The following KCNJ6 variants were observed in gnomAD, a reference collection of about 807,000 sequenced individuals.
KCNJ6 encodes the protein potassium inwardly rectifying channel subfamily J member 6.
A neutral mutation model predicts 34.2 loss-of-function variants in KCNJ6; 9 were observed. That is an observed-to-expected ratio of 0.26 (90% CI 0.16 to 0.46). The LOEUF (loss-of-function observed/expected upper bound fraction) is 0.46, where lower values mean the gene tolerates loss of function less well. Ranked by LOEUF, KCNJ6 falls within the 20% of genes least tolerant of loss-of-function variation. The probability of loss-of-function intolerance (pLI) is 1.00; values close to 1 mark genes in which losing one functional copy is unlikely to be tolerated. For synonymous variants in KCNJ6, 196 were observed against 207.1 expected (o/e 0.95, Z 0.46); for missense variants, 236 against 531.3 (o/e 0.44, Z 5.46).
intron 3 of KCNJ6, among the ~76,000 whole-genome samples, chr21:37,663,691 G>C (rs948335819): frequency 2.0e-5 from 3 of 152,090 alleles, no homozygotes; most frequent in Non-Finnish European, 4.4e-5. Flanking sequence ...ACCAGGAGAA[G>C]AATACTGATT....
chr21:37,734,188 G>A (rs1231086391), intron 2 of KCNJ6, among the ~76,000 whole-genome samples: 1 of 152,158 alleles, frequency 6.6e-6, no homozygotes, highest in Non-Finnish European at 1.5e-5. Flanking sequence ...CAGGTTCTAG[G>A]AATATCATTT....
At chr21:37,682,517 C>T (rs1476328571) in intron 3 of KCNJ6, among the ~76,000 whole-genome samples, 1 of 144,868 alleles carries the variant, frequency 6.9e-6, no homozygotes, top group Non-Finnish European at 1.5e-5. Context: ...CTGCATCACT[C>T]CAGTCTCTGC....
intron 2 of KCNJ6, among the ~76,000 whole-genome samples, chr21:37,800,786 G>A (rs531933962): frequency 6.6e-6 from 1 of 152,284 alleles, no homozygotes; most frequent in African/African-American, 2.4e-5. Context: ...TGTCAGTGAT[G>A]TACCCCCCGC....
At chr21:37,848,947 T>G (rs3787857) in intron 1 of KCNJ6, among the ~76,000 whole-genome samples, 40,247 of 151,952 alleles carry the variant, frequency 0.26, 6,553 homozygotes, top group South Asian at 0.4. Flanking sequence ...CCCAGGGGAG[T>G]TGGTTTCTTG....
At chr21:37,868,319 G>C (rs2055633403) in intron 1 of KCNJ6, among the ~76,000 whole-genome samples, 1 of 152,168 alleles carries the variant, frequency 6.6e-6, no homozygotes, top group Non-Finnish European at 1.5e-5. Flanking sequence ...GTACTGTCTG[G>C]AATATAATTT....
chr21:37,866,497 A>G (rs1327979677), intron 1 of KCNJ6, among the ~76,000 whole-genome samples: 1 of 152,166 alleles, frequency 6.6e-6, no homozygotes, highest in Non-Finnish European at 1.5e-5. Flanking sequence ...CCGACCTTTC[A>G]CATACTTTTG....
At chr21:37,913,630 C>A (rs2055877684) in intron 1 of KCNJ6, among the ~76,000 whole-genome samples, 1 of 152,130 alleles carries the variant, frequency 6.6e-6, no homozygotes, top group Admixed American at 6.5e-5. Context: ...CCAGCCTGAC[C>A]AACATGGTGA....
At chr21:37,698,990 C>T (rs1289672200) in intron 3 of KCNJ6, among the ~76,000 whole-genome samples, 2 of 152,064 alleles carry the variant, frequency 1.3e-5, no homozygotes, top group African/African-American at 4.8e-5. Context: ...TAAGCCACGG[C>T]ACCTGGCTAA....
At chr21:37,690,781 CTTTTT>C (rs796532358) in intron 3 of KCNJ6, among the ~76,000 whole-genome samples, 1 of 136,570 alleles carries the variant, frequency 7.3e-6, no homozygotes, top group African/African-American at 2.8e-5. Context: ...TTTTTCTTTT[CTTTTT>C]TTTTTTTTTT....
At chr21:37,848,245 G>A (rs2055519858) in intron 1 of KCNJ6, among the ~76,000 whole-genome samples, 1 of 152,234 alleles carries the variant, frequency 6.6e-6, no homozygotes, top group African/African-American at 2.4e-5. Flanking sequence ...GTGCTCTCCT[G>A]TGAGCCCGGG....
At chr21:37,667,973 CAGGG>C (rs2054524587) in intron 3 of KCNJ6, among the ~76,000 whole-genome samples, 1 of 152,130 alleles carries the variant, frequency 6.6e-6, no homozygotes. Context: ...CTTAAAAGCG[CAGGG>C]GCCTGGGCTT....
intron 2 of KCNJ6, among the ~76,000 whole-genome samples, chr21:37,798,469 C>T (rs2055253746): frequency 7.7e-6 from 1 of 129,680 alleles, no homozygotes; most frequent in East Asian, 2.1e-4. Context: ...TATGCTCACA[C>T]AAAAACGTCC....
Position 37,621,309 on chromosome 21 carries a change from T to C in KCNJ6, c.*3850A>G, listed in dbSNP as rs1342233078. 6.6e-6 allele frequency: 1 copy of C among 152,224 alleles called. No homozygotes were observed. The highest frequency in any genetic ancestry group is 1.5e-5 in the Non-Finnish European group (1 of 68,036). The allele number at this position is 152,224 out of a possible 1,614,324, so 9.4% of individuals were successfully genotyped here. On this transcript the variant is annotated 3_prime_UTR_variant, in exon 4 of 4. Coordinates refer to ENST00000609713, the MANE Select transcript of KCNJ6 (RefSeq NM_002240.5). ...GTATTCTCTCAGCAAATCAAATGATTTCCCATTCTTCTGGTGAGTTCAGGT... is the reference window on the plus strand; with the variant it reads ...GTATTCTCTCAGCAAATCAAATGATCTCCCATTCTTCTGGTGAGTTCAGGT...
chr21:37,868,625 G>A (rs559930069), intron 1 of KCNJ6, among the ~76,000 whole-genome samples: 1 of 152,322 alleles, frequency 6.6e-6, no homozygotes, highest in African/African-American at 2.4e-5. Flanking sequence ...GTCCATGCAT[G>A]TTTACACAAA....
At chr21:37,786,056 A>G (rs967839857) in intron 2 of KCNJ6, among the ~76,000 whole-genome samples, 1 of 152,248 alleles carries the variant, frequency 6.6e-6, no homozygotes, top group African/African-American at 2.4e-5. Context: ...TTGTTATGGC[A>G]GCCTGATTGG....
At chr21:37,690,163 CA>C (rs1389764839) in intron 3 of KCNJ6, among the ~76,000 whole-genome samples, 1 of 151,874 alleles carries the variant, frequency 6.6e-6, no homozygotes, top group Non-Finnish European at 1.5e-5. Context: ...GATAAATTAC[CA>C]GTGACTATGC....
intron 2 of KCNJ6, among the ~76,000 whole-genome samples, chr21:37,722,789 T>C (rs2054833446): frequency 6.6e-6 from 1 of 152,162 alleles, no homozygotes; most frequent in South Asian, 2.1e-4. Context: ...ATTAACTCAA[T>C]ATAGATTAAA....
At position 37,843,089 on chromosome 21, in the gene KCNJ6, G is replaced by A. The variant is rs781546611; in HGVS notation, c.-27-2380C>T. 7.2e-5 allele frequency among the ~76,000 whole-genome samples: 11 copies of A among 152,212 alleles called. No individual in the cohort carries two copies. In the South Asian group the frequency reaches 1.0e-3, roughly 14 times the overall value. ...AACCCCCCAACGCCAAACCATAGGC[G>A]TCCAGATTCCAGGCATTACATTTCT... On this transcript the variant is annotated intron_variant, in intron 1 of 3. Coordinates refer to ENST00000609713, the MANE Select transcript of KCNJ6 (RefSeq NM_002240.5).
chr21:37,820,719 C>A (rs1407808578), intron 2 of KCNJ6, among the ~76,000 whole-genome samples: 1 of 152,168 alleles, frequency 6.6e-6, no homozygotes, highest in East Asian at 1.9e-4. Flanking sequence ...TTGGCAAACC[C>A]AAATATTCAG....
Sources: allele counts gnomAD v4.1 joint callset (sites outside exome capture counted in the v4.1 genomes callset), GRCh38; gene constraint gnomAD v4.1.1; transcripts MANE v1.5; gene names NCBI Gene and HGNC (gene_info 2026-07-23, HGNC 2026-07-21).